FGF14: variants seen among roughly 807,000 people sequenced by gnomAD.
FGF14 encodes fibroblast growth factor 14, also known as fibroblast growth factor homologous factor 4.
FGF14 carries 5 observed loss-of-function variants against 25.5 expected under a neutral mutation model. The ratio of observed to expected loss-of-function variants is 0.20; its 90% CI spans 0.10 to 0.41. The LOEUF (loss-of-function observed/expected upper bound fraction) is 0.41. Among genes scored for constraint, FGF14 ranks in the 10% least tolerant of loss-of-function variants. FGF14 has a pLI of 1.00. For missense variants in FGF14, 222 were observed against 320.1 expected, an observed-to-expected ratio of 0.69 and a Z score of 2.34; for synonymous variants, 138 against 118.3, an observed-to-expected ratio of 1.17 and a Z score of -1.08.
chr13:102,175,964 C>G (rs1197419590), intron 1 of FGF14, among the ~76,000 whole-genome samples: 1 of 151,824 alleles, frequency 6.6e-6, no homozygotes, highest in African/African-American at 2.4e-5. Flanking sequence ...TATACATTGT[C>G]GGTGGGAATG....
At chr13:102,198,712 A>C (rs1264000275) in intron 1 of FGF14, among the ~76,000 whole-genome samples, 2 of 152,190 alleles carry the variant, frequency 1.3e-5, no homozygotes, top group Admixed American at 6.5e-5. Context: ...TGTCATTTAA[A>C]TATTGAGAGG....
chr13:101,932,981 C>A (rs904451356), intron 1 of FGF14, among the ~76,000 whole-genome samples: 1 of 152,058 alleles, frequency 6.6e-6, no homozygotes, highest in Admixed American at 6.5e-5. Context: ...GTCCTGAAGT[C>A]CTATTTCTTC....
intron 1 of FGF14, among the ~76,000 whole-genome samples, chr13:102,391,864 A>T (rs1462054432): frequency 2.0e-5 from 3 of 152,248 alleles, no homozygotes; most frequent in Admixed American, 2.0e-4. Context: ...TTTGCTTAAA[A>T]GTTACAACAC....
chr13:101,999,489 T>C (rs975002924), intron 1 of FGF14, among the ~76,000 whole-genome samples: 3 of 152,118 alleles, frequency 2.0e-5, no homozygotes, highest in African/African-American at 7.2e-5. Context: ...AGCATCTGCC[T>C]CCTGGAGATA....
At chr13:102,253,723 T>C in intron 1 of FGF14, among the ~76,000 whole-genome samples, 1 of 152,212 alleles carries the variant, frequency 6.6e-6, no homozygotes, top group Non-Finnish European at 1.5e-5. Flanking sequence ...CTTTATGGGT[T>C]TTTTTCCCCC....
At chr13:102,116,156 C>A (rs189806579) in intron 1 of FGF14, among the ~76,000 whole-genome samples, 1 of 152,196 alleles carries the variant, frequency 6.6e-6, no homozygotes, top group East Asian at 1.9e-4. Context: ...CAATCCACCA[C>A]TTCATATCAC....
At chr13:101,986,517 AAG>A (rs1441609592) in intron 1 of FGF14, among the ~76,000 whole-genome samples, 1 of 152,130 alleles carries the variant, frequency 6.6e-6, no homozygotes, top group East Asian at 1.9e-4. Context: ...CCCAAAGAAA[AAG>A]AGTGTTCTGA....
At chr13:101,849,697 A>G (rs895296197) in intron 3 of FGF14, among the ~76,000 whole-genome samples, 3 of 152,120 alleles carry the variant, frequency 2.0e-5, no homozygotes, top group Admixed American at 2.0e-4. Context: ...GGCTGAGCAT[A>G]GTTTAGGTGT....
chr13:102,195,791 CAA>C (rs1161228618), intron 1 of FGF14, among the ~76,000 whole-genome samples: 8 of 59,938 alleles, frequency 1.3e-4, no homozygotes, highest in Admixed American at 3.6e-4. Flanking sequence ...GACCCAGTCT[CAA>C]AAAAAAAAAA....
intron 1 of FGF14, chr13:102,263,217 C>T (rs1033491776): frequency 6.0e-6 from 3 of 503,578 alleles, no homozygotes; most frequent in Non-Finnish European, 7.7e-6. Context: ...GCGAGAAGCG[C>T]AGTCAAGCAC....
chr13:101,947,622 G>A (rs1447104792), intron 1 of FGF14, among the ~76,000 whole-genome samples: 1 of 152,148 alleles, frequency 6.6e-6, no homozygotes, highest in Non-Finnish European at 1.5e-5. Flanking sequence ...ACCTATAAGT[G>A]GGAGCTAACC....
intron 1 of FGF14, among the ~76,000 whole-genome samples, chr13:101,945,998 T>A (rs2035780406): frequency 6.6e-6 from 1 of 152,214 alleles, no homozygotes; most frequent in East Asian, 1.9e-4. Context: ...CTTAATCAAT[T>A]CTTAATCAAA....
chr13:102,316,500 A>C (rs990853777), intron 1 of FGF14, among the ~76,000 whole-genome samples: 11 of 152,348 alleles, frequency 7.2e-5, no homozygotes, highest in Non-Finnish European at 1.5e-4. Context: ...GATATCTTGC[A>C]CATAGAAATC....
chr13:101,995,194 A>AT, intron 1 of FGF14, among the ~76,000 whole-genome samples: 1 of 152,124 alleles, frequency 6.6e-6, no homozygotes, highest in East Asian at 1.9e-4. Flanking sequence ...TGAAAGTCTC[A>AT]TTTTTGTTGT....
At chr13:102,275,398 G>C (rs1230845188) in intron 1 of FGF14, among the ~76,000 whole-genome samples, 2 of 151,660 alleles carry the variant, frequency 1.3e-5, no homozygotes, top group East Asian at 3.9e-4. Flanking sequence ...TCTGGACAAG[G>C]GGCTATTATA....
At chr13:102,176,767 G>T (rs563588778) in intron 1 of FGF14, among the ~76,000 whole-genome samples, 3 of 152,112 alleles carry the variant, frequency 2.0e-5, no homozygotes, top group African/African-American at 7.2e-5. Context: ...AAATTTTAGA[G>T]GTGAGGGACA....
At chr13:102,068,183 A>G (rs1595163455) in intron 1 of FGF14, among the ~76,000 whole-genome samples, 1 of 152,238 alleles carries the variant, frequency 6.6e-6, no homozygotes, top group Non-Finnish European at 1.5e-5. Context: ...CCAAAAGAAA[A>G]TGACATTAAC....
intron 1 of FGF14, among the ~76,000 whole-genome samples, chr13:102,181,648 T>C (rs962418434): frequency 6.6e-6 from 1 of 152,180 alleles, no homozygotes; most frequent in Admixed American, 6.5e-5. Flanking sequence ...CCATCCCTTT[T>C]CAAAAAAGTC....
At chr13:102,018,158 T>G (rs1239108708) in intron 1 of FGF14, among the ~76,000 whole-genome samples, 1 of 152,164 alleles carries the variant, frequency 6.6e-6, no homozygotes, top group African/African-American at 2.4e-5. Context: ...TTTTTATGCT[T>G]ATCATAACCT....
Sources: gnomAD v4.1 joint callset for allele counts (sites outside exome capture counted in the v4.1 genomes callset) on GRCh38, gnomAD v4.1.1 for gene constraint, MANE v1.5 for transcripts, NCBI Gene and HGNC (gene_info 2026-07-23, HGNC 2026-07-21) for gene names.